Variants in ASAP2 observed in about 807,000 individuals in gnomAD.
The protein encoded by ASAP2 is ArfGAP with SH3 domain, ankyrin repeat and PH domain 2.
A neutral mutation model predicts 131.4 loss-of-function variants in ASAP2; 45 were observed. The ratio of observed to expected loss-of-function variants is 0.34; its 90% CI spans 0.27 to 0.44. ASAP2 has a LOEUF of 0.44. Ranked by LOEUF, ASAP2 falls within the 20% of genes least tolerant of loss-of-function variation. The pLI, the probability that ASAP2 is intolerant of heterozygous loss-of-function variation, is 1.00. For missense variants in ASAP2, 1,011 were observed against 1,297.0 expected, an observed-to-expected ratio of 0.78 and a Z score of 3.39; for synonymous variants, 510 against 503.0, an observed-to-expected ratio of 1.01 and a Z score of -0.19.
intron 16 of ASAP2, among the ~76,000 whole-genome samples, chr2:9,369,177 C>T (rs1178198351): frequency 6.6e-6 from 1 of 152,114 alleles, no homozygotes; most frequent in East Asian, 1.9e-4. Context: ...TGCCACCACG[C>T]CTGGCTAATT....
chr2:9,263,920 C>A (rs1877098), intron 1 of ASAP2, among the ~76,000 whole-genome samples: 9 of 151,990 alleles, frequency 5.9e-5, no homozygotes, highest in African/African-American at 2.2e-4. Flanking sequence ...GGCCAGGTGC[C>A]GTGTCTCACA....
intron 2 of ASAP2, among the ~76,000 whole-genome samples, chr2:9,288,950 T>C (rs1278136542): frequency 1.3e-5 from 2 of 152,146 alleles, no homozygotes; most frequent in African/African-American, 4.8e-5. Context: ...ATGAGGAAAT[T>C]CCTCTAAATG....
chr2:9,271,619 T>C, intron 1 of ASAP2: 1 of 1,103,976 alleles, frequency 9.1e-7, no homozygotes, highest in Non-Finnish European at 1.3e-6. Context: ...AGGTTCTGGA[T>C]AGTGGACATA....
chr2:9,233,629 G>C (rs1459490612), intron 1 of ASAP2, among the ~76,000 whole-genome samples: 1 of 152,200 alleles, frequency 6.6e-6, no homozygotes, highest in Non-Finnish European at 1.5e-5. Flanking sequence ...CCTGGACTCA[G>C]ATATAGGTTT....
chr2:9,229,930 G>T (rs1056517239), intron 1 of ASAP2, among the ~76,000 whole-genome samples: 8 of 152,342 alleles, frequency 5.3e-5, no homozygotes, highest in African/African-American at 1.9e-4. Flanking sequence ...CCTGGCGGTT[G>T]TCAGTGTGGG....
chr2:9,274,182 A>G (rs1666594994), intron 1 of ASAP2, among the ~76,000 whole-genome samples: 1 of 152,188 alleles, frequency 6.6e-6, no homozygotes, highest in African/African-American at 2.4e-5. Context: ...AGATCACATC[A>G]TCTGCAAACA....
chr2:9,242,244 T>G (rs1664025123), intron 1 of ASAP2, among the ~76,000 whole-genome samples: 1 of 152,236 alleles, frequency 6.6e-6, no homozygotes. Context: ...GATAGAGATC[T>G]GACCTGGTCC....
intron 9 of ASAP2, among the ~76,000 whole-genome samples, chr2:9,339,144 A>G (rs1236632875): frequency 6.6e-6 from 1 of 152,116 alleles, no homozygotes. Flanking sequence ...GCACTGCTGC[A>G]CTCCAGCCTG....
At chr2:9,372,425 C>T (rs1273853794) in intron 16 of ASAP2, among the ~76,000 whole-genome samples, 3 of 152,066 alleles carry the variant, frequency 2.0e-5, no homozygotes, top group Non-Finnish European at 4.4e-5. Flanking sequence ...CTGAATGTTC[C>T]AGAAACTCAA....
intron 11 of ASAP2, among the ~76,000 whole-genome samples, chr2:9,348,345 G>C (rs76093336): frequency 6.6e-6 from 1 of 152,008 alleles, no homozygotes; most frequent in Non-Finnish European, 1.5e-5. Context: ...GGCTGATCTG[G>C]AACTCCTGAT....
At position 9,385,322 on chromosome 2, in the gene ASAP2, G is replaced by A. The variant is rs763375048; in HGVS notation, c.2094G>A (p.Leu698=). Residue 698 remains leucine (L), a synonymous_variant, in exon 21 of 28, where the codon CTG becomes CTA. Coordinates refer to ENST00000281419, the MANE Select transcript of ASAP2 (RefSeq NM_003887.3). ...EYEWRLLHED[L]DESDDDMDEK... ...AATGGCGACTACTCCACGAAGACCTGGATGAAAGTGATGACGACATGGATG... is the reference window on the plus strand; with the variant it reads ...AATGGCGACTACTCCACGAAGACCTAGATGAAAGTGATGACGACATGGATG... 1.9e-6 allele frequency: 3 copies of A among 1,614,054 alleles called. No homozygotes were observed. In the African/African-American group the frequency reaches 4.0e-5, roughly 22 times the overall value.
In ASAP2 at chr2:9,311,208, A is replaced by G. The variant is rs1448299373; in HGVS notation, c.346-7316A>G. Among the ~76,000 whole-genome samples the G allele has an allele frequency of 6.6e-6, 1 of 152,084 alleles. No homozygotes were observed. Among genetic ancestry groups the G allele is most frequent in the African/African-American group, 2.4e-5 (1 of 41,418 alleles). ...GAAGTTTGAGACCAGCGTTGGCAACATGGGGAGACCCTGTCTTGACAAAAA... is the reference window on the plus strand; with the variant it reads ...GAAGTTTGAGACCAGCGTTGGCAACGTGGGGAGACCCTGTCTTGACAAAAA... On this transcript the variant is annotated intron_variant, in intron 3 of 27. Coordinates refer to ENST00000281419, the MANE Select transcript of ASAP2 (RefSeq NM_003887.3). The surrounding 1 kb of genome is among the most constrained non-coding windows in gnomAD (Gnocchi z 5.2).
At chr2:9,287,124 G>A (rs868368045) in intron 2 of ASAP2, among the ~76,000 whole-genome samples, 18 of 152,230 alleles carry the variant, frequency 1.2e-4, no homozygotes, top group African/African-American at 3.9e-4. Context: ...TGAGCGTCCC[G>A]TCTCTGCTTC....
intron 19 of ASAP2, 146 bp from the exon 20 acceptor site, chr2:9,380,595 G>C (rs931352233): frequency 2.0e-5 from 16 of 796,188 alleles, no homozygotes; most frequent in Non-Finnish European, 3.6e-5. Context: ...ATTCAGCCTC[G>C]ACTAGGTCAA....
intron 24 of ASAP2, among the ~76,000 whole-genome samples, chr2:9,397,137 C>T (rs534630969): frequency 4.6e-5 from 7 of 152,358 alleles, no homozygotes; most frequent in African/African-American, 1.4e-4. Flanking sequence ...CCATGCTTCT[C>T]TTGGCTTCTG....
intron 1 of ASAP2, among the ~76,000 whole-genome samples, chr2:9,231,404 G>T (rs549868154): frequency 6.6e-6 from 1 of 152,300 alleles, no homozygotes; most frequent in African/African-American, 2.4e-5. Context: ...TTTAGCATCT[G>T]GTATGGAGGC....
chr2:9,241,544 C>G (rs1430767363), intron 1 of ASAP2, among the ~76,000 whole-genome samples: 1 of 152,164 alleles, frequency 6.6e-6, no homozygotes, highest in Non-Finnish European at 1.5e-5. Flanking sequence ...GAGTTCGAGA[C>G]CAGCCTGGGA....
intron 8 of ASAP2, 105 bp downstream of exon 8, chr2:9,334,918 C>T (rs1473512141): frequency 1.4e-6 from 2 of 1,416,514 alleles, no homozygotes; most frequent in East Asian, 4.6e-5. Flanking sequence ...GCCGTGCCGC[C>T]CACGTGGAGT....
chr2:9,356,149 T>G, intron 13 of ASAP2, 30 bp from the exon 14 acceptor site: 1 of 1,614,180 alleles, frequency 6.2e-7, no homozygotes, highest in Non-Finnish European at 8.5e-7. Context: ...GTTTGTGGAA[T>G]TTAACACAGC....
Sources: allele counts gnomAD v4.1 joint callset (sites outside exome capture counted in the v4.1 genomes callset), GRCh38; gene constraint gnomAD v4.1.1; non-coding constraint Gnocchi (gnomAD v3.1); transcripts MANE v1.5; gene names NCBI Gene and HGNC (gene_info 2026-07-23, HGNC 2026-07-21).